ATP9B: variants seen among roughly 807,000 people sequenced by gnomAD.
ATP9B encodes ATPase phospholipid transporting 9B, also known as probable phospholipid-transporting ATPase IIB.
A neutral mutation model predicts 146.1 loss-of-function variants in ATP9B; 110 were observed. The observed-to-expected ratio is 0.75, with a 90% CI of 0.65 to 0.88. ATP9B has a LOEUF of 0.88. Among genes scored for constraint, ATP9B ranks in the 40% least tolerant of loss-of-function variants. ATP9B has a pLI of 0.00. For synonymous variants in ATP9B, 604 were observed against 569.7 expected, an observed-to-expected ratio of 1.06 and a Z score of -0.86; for missense variants, 1,499 against 1,496.4, an observed-to-expected ratio of 1.00 and a Z score of -0.03.
Position 79,376,201 on chromosome 18 carries a change from ACACACAC to A in ATP9B, c.3307+776_3307+782del, listed in dbSNP as rs2097101296. ...CACACACACACACACACACACACAC[ACACACAC>A]ACACACAAAACAAAACAAAAAAATG... On this transcript the variant is annotated intron_variant, in intron 29 of 29. Coordinates refer to ENST00000426216, the MANE Select transcript of ATP9B (RefSeq NM_198531.5). 3 of 969,444 alleles carry A rather than the reference ACACACAC, an allele frequency of 3.1e-6. No homozygotes were observed. In the African/African-American group the frequency reaches 5.7e-5, roughly 18 times the overall value. 60.1% of individuals were successfully genotyped at this position (969,444 alleles called of 1,614,324 possible).
At chr18:79,264,591 C>T (rs1229780990) in intron 12 of ATP9B, among the ~76,000 whole-genome samples, 1 of 151,310 alleles carries the variant, frequency 6.6e-6, no homozygotes, top group Non-Finnish European at 1.5e-5. Context: ...TCCTTCCCTA[C>T]TCCAAGGAGA....
At chr18:79,294,643 A>G (rs1039505771) in intron 13 of ATP9B, among the ~76,000 whole-genome samples, 6 of 152,386 alleles carry the variant, frequency 3.9e-5, no homozygotes, top group African/African-American at 1.4e-4. Context: ...GTAAAAAACT[A>G]TGACACACGA....
At chr18:79,309,625 C>T (rs917478747) in intron 15 of ATP9B, among the ~76,000 whole-genome samples, 1 of 144,980 alleles carries the variant, frequency 6.9e-6, no homozygotes, top group East Asian at 2.1e-4. Context: ...GAGTGATCCC[C>T]AGCAGGTAGA....
At position 79,201,020 on chromosome 18, in the gene ATP9B, A is replaced by G. The variant is rs558478901; in HGVS notation, c.955-5917A>G. Among the ~76,000 whole-genome samples, 74 of 152,312 alleles carry G rather than the reference A, an allele frequency of 4.9e-4. 1 individual carries two copies. The highest frequency in any genetic ancestry group is 1.7e-3 in the African/African-American group (72 of 41,556). On this transcript the variant is annotated intron_variant, in intron 9 of 29. Transcript: ENST00000426216. ...ATGGCTTCACCCCATGAGGCACAAG[A>G]CGTGTGCTGATGGCCTGGTGATGGT...
At chr18:79,190,813 T>G (rs2148120023) in intron 8 of ATP9B, among the ~76,000 whole-genome samples, 1 of 152,328 alleles carries the variant, frequency 6.6e-6, no homozygotes, top group Admixed American at 6.5e-5. Flanking sequence ...CCCAAAGTGC[T>G]GGGATTACAG....
At chr18:79,253,251 C>T (rs1305360684) in intron 11 of ATP9B, 130 bp from the exon 12 acceptor site, 2 of 788,436 alleles carry the variant, frequency 2.5e-6, no homozygotes, top group African/African-American at 1.8e-5. Context: ...TTTCATATTT[C>T]ATTATAATAA....
At chr18:79,275,479 G>A (rs2096297589) in intron 12 of ATP9B, among the ~76,000 whole-genome samples, 1 of 152,226 alleles carries the variant, frequency 6.6e-6, no homozygotes, top group Non-Finnish European at 1.5e-5. Context: ...ACCATTTGCA[G>A]GAATGTCCTT....
chr18:79,339,254 A>ATGTCATGATCACAGGAAGTG (rs2096843849), intron 19 of ATP9B, among the ~76,000 whole-genome samples: 2 of 142,698 alleles, frequency 1.4e-5, no homozygotes, highest in Non-Finnish European at 3.0e-5. Context: ...AGTAGGAAGT[A>ATGTCATGATCACAGGAAGTG]TGTCATGATC....
At chr18:79,173,642 G>T (rs539995625) in intron 7 of ATP9B, 46 of 450,758 alleles carry the variant, frequency 1.0e-4, no homozygotes, top group South Asian at 6.9e-4. Flanking sequence ...GTATGTTGGG[G>T]GGACTCTCTC....
intron 3 of ATP9B, 77 bp from the exon 4 acceptor site, chr18:79,113,164 A>C: frequency 2.8e-6 from 2 of 710,164 alleles, no homozygotes; most frequent in Non-Finnish European, 2.4e-6. Flanking sequence ...TATGTTGTGC[A>C]GATTTTAATT....
chr18:79,207,053 TAG>T (rs2095541125), intron 10 of ATP9B, 41 bp downstream of exon 10: 2 of 1,572,018 alleles, frequency 1.3e-6, no homozygotes, highest in Admixed American at 3.3e-5. Context: ...TGCTCCCGGA[TAG>T]ATGATGCTTT....
In ATP9B at chr18:79,377,448, T is replaced by C; in HGVS notation, c.*65T>C. Reference sequence around the variant, plus strand: ...TGCCCTTCCCAGCACCTTGTGCCCTTGCCAGTGAACGCAGGGTTTGCCATT... The same window carrying C: ...TGCCCTTCCCAGCACCTTGTGCCCTCGCCAGTGAACGCAGGGTTTGCCATT... On this transcript the variant is annotated 3_prime_UTR_variant, in exon 30 of 30. Coordinates refer to ENST00000426216, the MANE Select transcript of ATP9B (RefSeq NM_198531.5). 1 of 1,571,116 alleles carries C rather than the reference T, an allele frequency of 6.4e-7. No individual in the cohort carries two copies. The highest frequency in any genetic ancestry group is 8.6e-7 in the Non-Finnish European group (1 of 1,159,842).
intron 26 of ATP9B, chr18:79,362,583 A>C (rs1017922799): frequency 6.6e-6 from 1 of 152,198 alleles, no homozygotes; most frequent in Non-Finnish European, 1.5e-5. Flanking sequence ...CGGGAAACTG[A>C]CCTACTCATC....
intron 1 of ATP9B, among the ~76,000 whole-genome samples, chr18:79,082,696 C>G (rs1456265948): frequency 6.6e-6 from 1 of 152,188 alleles, no homozygotes; most frequent in African/African-American, 2.4e-5. Context: ...TGCTGGAGAT[C>G]CACTCCAGAT....
chr18:79,175,808 C>T (rs1178950128), intron 7 of ATP9B, among the ~76,000 whole-genome samples: 2 of 151,990 alleles, frequency 1.3e-5, no homozygotes. Context: ...ACAGCACACA[C>T]AAGTTAGCCA....
intron 20 of ATP9B, 44 bp from the exon 21 acceptor site, chr18:79,344,221 T>G (rs2096873783): frequency 1.3e-6 from 2 of 1,554,422 alleles, no homozygotes; most frequent in Non-Finnish European, 1.8e-6. Context: ...GCCTGTAACT[T>G]AGACAACATT....
chr18:79,256,667 A>T (rs375264243), intron 12 of ATP9B, among the ~76,000 whole-genome samples: 37 of 152,074 alleles, frequency 2.4e-4, no homozygotes, highest in East Asian at 9.7e-4. Flanking sequence ...TCTCCTCTCA[A>T]TCAATGCTAA....
chr18:79,259,267 G>T (rs1330173804), intron 12 of ATP9B, among the ~76,000 whole-genome samples: 1 of 152,304 alleles, frequency 6.6e-6, no homozygotes, highest in African/African-American at 2.4e-5. Context: ...GAAAACTGAT[G>T]ATCAGAATTC....
At chr18:79,275,677 C>G (rs1415981330) in intron 12 of ATP9B, among the ~76,000 whole-genome samples, 5 of 152,276 alleles carry the variant, frequency 3.3e-5, no homozygotes, top group Admixed American at 6.5e-5. Context: ...CGCCAGGGAG[C>G]TGCAGCCGTC....
Sources: gnomAD v4.1 joint callset for allele counts (sites outside exome capture counted in the v4.1 genomes callset) on GRCh38, gnomAD v4.1.1 for gene constraint, MANE v1.5 for transcripts, NCBI Gene and HGNC (gene_info 2026-07-23, HGNC 2026-07-21) for gene names.